Variants in CDC14B observed in about 807,000 individuals in gnomAD.
The protein encoded by CDC14B is dual specificity protein phosphatase CDC14B.
A neutral mutation model predicts 64.2 loss-of-function variants in CDC14B; 22 were observed. The ratio of observed to expected loss-of-function variants is 0.34; its 90% CI spans 0.24 to 0.49. CDC14B has a LOEUF of 0.49. CDC14B is among the 20% of genes least tolerant of loss of function. CDC14B has a pLI of 0.99. For synonymous variants in CDC14B, 191 were observed against 215.8 expected (o/e 0.89, Z 1.01); for missense variants, 498 against 629.9 (o/e 0.79, Z 2.24).
chr9:96,591,196 C>T (rs1021279697), intron 1 of CDC14B, among the ~76,000 whole-genome samples: 5 of 152,186 alleles, frequency 3.3e-5, no homozygotes, highest in Admixed American at 3.3e-4. Flanking sequence ...CGTCATGAGG[C>T]ATTTTCCTAT....
intron 13 of CDC14B, among the ~76,000 whole-genome samples, chr9:96,494,016 C>T (rs939805611): frequency 1.3e-5 from 2 of 152,234 alleles, no homozygotes; most frequent in Non-Finnish European, 2.9e-5. Flanking sequence ...CTCCTCCTAC[C>T]CGCTTTCCCC....
At chr9:96,604,177 A>T (rs1331123977) in intron 1 of CDC14B, among the ~76,000 whole-genome samples, 1 of 152,022 alleles carries the variant, frequency 6.6e-6, no homozygotes, top group Non-Finnish European at 1.5e-5. Context: ...AGGACCTGTC[A>T]CTGGCCATAA....
chr9:96,502,865 T>C lies in CDC14B; in HGVS notation c.*888A>G. ...CTAAAAAAGTGGTAACTTTTTTTTT[T>C]TGTAAGCCGACATTATTTGGGATTG... On this transcript the variant is annotated 3_prime_UTR_variant, in exon 14 of 14. Coordinates refer to ENST00000375241, the MANE Select transcript of CDC14B (RefSeq NM_033331.4). 5.0e-6 allele frequency: 2 copies of C among 398,620 alleles called. No individual in the cohort carries two copies. Among genetic ancestry groups the C allele is most frequent in the Non-Finnish European group, 8.8e-6 (2 of 226,046 alleles). 24.7% of individuals were successfully genotyped at this position (398,620 alleles called of 1,614,324 possible).
intron 1 of CDC14B, among the ~76,000 whole-genome samples, chr9:96,585,293 T>C (rs957235253): frequency 6.6e-6 from 1 of 151,804 alleles, no homozygotes; most frequent in African/African-American, 2.4e-5. Flanking sequence ...GCTGCACCCA[T>C]CAACCCGTCA....
At chr9:96,551,917 A>C in intron 4 of CDC14B, 45 bp from the exon 5 acceptor site, 1 of 1,583,756 alleles carries the variant, frequency 6.3e-7, no homozygotes, top group Non-Finnish European at 8.6e-7. Context: ...TTCTAAGTGA[A>C]GATACAGTGC....
chr9:96,612,611 G>A (rs572895135), intron 1 of CDC14B, among the ~76,000 whole-genome samples: 36 of 152,304 alleles, frequency 2.4e-4, no homozygotes, highest in Non-Finnish European at 4.1e-4. Flanking sequence ...TCATAGAATT[G>A]GCTCTTCAAA....
chr9:96,582,773 C>G (rs934252631), intron 1 of CDC14B, among the ~76,000 whole-genome samples: 16 of 152,190 alleles, frequency 1.1e-4, no homozygotes, highest in African/African-American at 3.9e-4. Context: ...TCCTGTGTCA[C>G]TGGATGCTGT....
intron 12 of CDC14B, among the ~76,000 whole-genome samples, chr9:96,513,770 C>T (rs1329154738): frequency 6.6e-6 from 1 of 152,218 alleles, no homozygotes; most frequent in Admixed American, 6.5e-5. Flanking sequence ...GCCCTGCAGC[C>T]TCCAGAGAAG....
At chr9:96,588,767 C>T (rs1359681718) in intron 1 of CDC14B, among the ~76,000 whole-genome samples, 4 of 152,150 alleles carry the variant, frequency 2.6e-5, no homozygotes, top group African/African-American at 7.2e-5. Flanking sequence ...AGCCATTGCA[C>T]CCAGCCAAAT....
intron 1 of CDC14B, among the ~76,000 whole-genome samples, chr9:96,586,710 C>A (rs1418832280): frequency 6.6e-6 from 1 of 152,040 alleles, no homozygotes; most frequent in Non-Finnish European, 1.5e-5. Context: ...GTGTGAGCCA[C>A]CATGCCCAGT....
At chr9:96,521,245 A>T (rs1348092153) in intron 12 of CDC14B, among the ~76,000 whole-genome samples, 23 of 151,948 alleles carry the variant, frequency 1.5e-4, no homozygotes, top group Admixed American at 1.5e-3. Context: ...ATGCCCGGCT[A>T]GTTTTTGTAT....
intron 9 of CDC14B, among the ~76,000 whole-genome samples, chr9:96,527,104 TA>T (rs1837674440): frequency 1.3e-5 from 2 of 152,218 alleles, no homozygotes; most frequent in South Asian, 4.1e-4. Flanking sequence ...TTAAGACAGT[TA>T]TTTTAAATTC....
intron 9 of CDC14B, among the ~76,000 whole-genome samples, chr9:96,526,346 A>C (rs751235523): frequency 6.6e-6 from 1 of 152,140 alleles, no homozygotes; most frequent in Non-Finnish European, 1.5e-5. Context: ...CCAGCCTGGG[A>C]GACAGAGCGA....
At chr9:96,536,407 A>T (rs1839273943) in intron 7 of CDC14B, among the ~76,000 whole-genome samples, 1 of 152,226 alleles carries the variant, frequency 6.6e-6, no homozygotes, top group South Asian at 2.1e-4. Flanking sequence ...AGACAAAGTA[A>T]CTTGTTTCAA....
chr9:96,532,980 T>C (rs1019071660), intron 9 of CDC14B, among the ~76,000 whole-genome samples: 1 of 152,138 alleles, frequency 6.6e-6, no homozygotes, highest in Non-Finnish European at 1.5e-5. Context: ...GATTTATTTC[T>C]TCTTCTTTTT....
At chr9:96,580,320 C>G (rs1019547341) in intron 1 of CDC14B, among the ~76,000 whole-genome samples, 2 of 151,838 alleles carry the variant, frequency 1.3e-5, no homozygotes, top group African/African-American at 4.8e-5. Flanking sequence ...CAACCTCCGC[C>G]TCCCAGGTTC....
At chr9:96,499,056 C>T (rs1040448291), downstream of CDC14B, among the ~76,000 whole-genome samples, 2 of 152,218 alleles carry the variant, frequency 1.3e-5, no homozygotes. Flanking sequence ...CACGGAGCTG[C>T]GTGGTGGCGC....
chr9:96,526,101 C>A (rs151050022), intron 9 of CDC14B, among the ~76,000 whole-genome samples: 1,722 of 152,210 alleles, frequency 0.011, 27 homozygotes, highest in African/African-American at 0.039. Context: ...GGTGCGGTGG[C>A]TCACACCTGT....
chr9:96,591,405 G>A (rs181929356), intron 1 of CDC14B, among the ~76,000 whole-genome samples: 1 of 152,120 alleles, frequency 6.6e-6, no homozygotes, highest in Non-Finnish European at 1.5e-5. Context: ...ATACATAAGG[G>A]TTTATTTCTG....
Sources: gnomAD v4.1 joint callset for allele counts (sites outside exome capture counted in the v4.1 genomes callset) on GRCh38, gnomAD v4.1.1 for gene constraint, MANE v1.5 for transcripts, NCBI Gene and HGNC (gene_info 2026-07-23, HGNC 2026-07-21) for gene names.